Variants in MYLK4 observed in about 807,000 individuals in gnomAD.
The protein encoded by MYLK4 is caMLCK like.
In MYLK4, 46 loss-of-function variants were observed where a neutral mutation model predicts 48.1. The ratio of observed to expected loss-of-function variants is 0.96; its 90% CI spans 0.75 to 1.22. MYLK4 has a LOEUF of 1.22. Ranked by LOEUF, MYLK4 falls within the 50% of genes most tolerant of loss-of-function variation. MYLK4 has a pLI of 0.00. For missense variants in MYLK4, 451 were observed against 486.1 expected (o/e 0.93, Z 0.68); for synonymous variants, 170 against 180.8 (o/e 0.94, Z 0.48).
the MYLK4 span, chr6:2,766,155 C>T: frequency 2.3e-6 from 3 of 1,320,298 alleles, no homozygotes; most frequent in East Asian, 6.2e-5. Context: ...GACGGGGACG[C>T]GGACGCGGAC....
chr6:2,694,553 AGTCGTGG>A (rs1761971906), intron 2 of MYLK4, among the ~76,000 whole-genome samples: 3 of 4,732 alleles, frequency 6.3e-4, no homozygotes, highest in African/African-American at 2.3e-3. Flanking sequence ...TTGTGGTGGT[AGTCGTGG>A]TGGTAGTGGT....
chr6:2,673,862 G>A lies in MYLK4; in HGVS notation c.1119+1185C>T, dbSNP rs931739445. 2.0e-5 allele frequency among the ~76,000 whole-genome samples: 3 copies of A among 152,226 alleles called. No individual in the cohort carries two copies. The highest frequency in any genetic ancestry group is 2.9e-5 in the Non-Finnish European group (2 of 68,046). ...GGAGAGAAACAGACAGCTTCCAGAG[G>A]TAATTAGGGGATATCATGTACACAA... On this transcript the variant is annotated intron_variant, in intron 11 of 12. Coordinates refer to ENST00000274643, the MANE Select transcript of MYLK4 (RefSeq NM_001012418.5). The surrounding 1 kb of genome is among the most constrained non-coding windows in gnomAD (Gnocchi z 4.2).
chr6:2,737,611 C>T (rs572094400), intron 2 of MYLK4, among the ~76,000 whole-genome samples: 94 of 152,184 alleles, frequency 6.2e-4, no homozygotes, highest in African/African-American at 2.2e-3. Flanking sequence ...TGGTATCTGA[C>T]AGAATATGAC....
chr6:2,726,558 C>A (rs1274502272), intron 2 of MYLK4, among the ~76,000 whole-genome samples: 1 of 151,678 alleles, frequency 6.6e-6, no homozygotes, highest in East Asian at 1.9e-4. Flanking sequence ...CCAGGGAACT[C>A]CAAACTAAAG....
rs1223908185 is a variant in MYLK4 at position 2,680,278 on chromosome 6, A to G, written c.701T>C (p.Leu234Pro). 1 of 1,614,038 alleles carries G rather than the reference A, an allele frequency of 6.2e-7. No homozygotes were observed. The highest frequency in any genetic ancestry group is 8.5e-7 in the Non-Finnish European group (1 of 1,180,034). ...LHLDLKPENI[L>P]CVNRDAKQIK... Reference sequence around the variant, plus strand: ...TTGCTTAGCATCCCGATTCACACACAGGATATTCTCAGGCTGCCAGGAGAA... The same window carrying G: ...TTGCTTAGCATCCCGATTCACACACGGGATATTCTCAGGCTGCCAGGAGAA... Residue 234 changes from leucine to proline, a missense_variant, in exon 8 of 13, where the codon CTG (leucine) becomes CCG (proline). Coordinates refer to ENST00000274643, the MANE Select transcript of MYLK4 (RefSeq NM_001012418.5).
chr6:2,765,556 T>A, the MYLK4 span: 1 of 1,378,066 alleles, frequency 7.3e-7, no homozygotes, highest in Non-Finnish European at 9.3e-7. Flanking sequence ...GCGGAGGGCA[T>A]CGAAGGCCTC....
intron 3 of MYLK4, among the ~76,000 whole-genome samples, chr6:2,691,403 T>C (rs746947646): frequency 5.3e-5 from 8 of 152,252 alleles, no homozygotes; most frequent in Non-Finnish European, 1.2e-4. Context: ...TGGTTCCAAA[T>C]AGATACTGTG....
chr6:2,705,358 T>A (rs182826601), intron 2 of MYLK4, among the ~76,000 whole-genome samples: 1 of 152,302 alleles, frequency 6.6e-6, no homozygotes, highest in Non-Finnish European at 1.5e-5. Flanking sequence ...GGGAGTAGTC[T>A]CAAGGTTCTT....
intron 7 of MYLK4, chr6:2,680,629 G>T: frequency 2.2e-6 from 2 of 908,340 alleles, no homozygotes; most frequent in Non-Finnish European, 2.6e-6. Context: ...CCTGACATCT[G>T]CCCCTCTAAA....
chr6:2,754,482 T>C (rs933325271), upstream of MYLK4, among the ~76,000 whole-genome samples: 3 of 151,934 alleles, frequency 2.0e-5, no homozygotes, highest in African/African-American at 2.4e-5. Flanking sequence ...AAGACAAATC[T>C]ATAGACGTAG....
intron 2 of MYLK4, among the ~76,000 whole-genome samples, chr6:2,707,625 GT>G (rs1236544730): frequency 6.6e-6 from 1 of 152,136 alleles, no homozygotes; most frequent in East Asian, 1.9e-4. Flanking sequence ...TATAAAAAGT[GT>G]TAAGCACATT....
At chr6:2,765,338 C>G in the MYLK4 span, 2 of 267,268 alleles carry the variant, frequency 7.5e-6, no homozygotes, top group Non-Finnish European at 1.4e-5. Flanking sequence ...ACGGACTACA[C>G]TTACTTACAT....
At chr6:2,689,228 T>C (rs2113156032) in intron 3 of MYLK4, among the ~76,000 whole-genome samples, 1 of 152,314 alleles carries the variant, frequency 6.6e-6, no homozygotes, top group East Asian at 1.9e-4. Flanking sequence ...AATGTCAAAA[T>C]AGTTGAAAAT....
At chr6:2,748,975 AACACAATTGT>A (rs1764191055) in intron 2 of MYLK4, among the ~76,000 whole-genome samples, 151 bp downstream of exon 2, 2 of 152,230 alleles carry the variant, frequency 1.3e-5, no homozygotes, top group African/African-American at 4.8e-5. Context: ...TTATTTACCA[AACACAATTGT>A]ATAGTCGACA....
chr6:2,711,125 C>G (rs1481422042), intron 2 of MYLK4, among the ~76,000 whole-genome samples: 1 of 152,140 alleles, frequency 6.6e-6, no homozygotes, highest in Non-Finnish European at 1.5e-5. Flanking sequence ...GTGTGTGCCA[C>G]AACAGAAAAT....
intron 2 of MYLK4, among the ~76,000 whole-genome samples, chr6:2,719,630 C>T (rs1762996702): frequency 6.6e-6 from 1 of 152,042 alleles, no homozygotes; most frequent in Admixed American, 6.6e-5. Flanking sequence ...CACAGTTTGT[C>T]TTTCTGTTAT....
At position 2,666,944 on chromosome 6, in the gene MYLK4, T is replaced by C. The variant is rs1760679974; in HGVS notation, c.*981A>G. 1 of 152,248 alleles carries C rather than the reference T, an allele frequency of 6.6e-6. No individual in the cohort carries two copies. Among genetic ancestry groups the C allele is most frequent in the Admixed American group, 6.5e-5 (1 of 15,290 alleles). The allele number at this position is 152,248 out of a possible 1,614,324, so 9.4% of individuals were successfully genotyped here. ...ATGAGACAGCACAGGCGAGAGACTG[T>C]ACTTGGTCTTTGCCACTGTTTGTAT... On this transcript the variant is annotated 3_prime_UTR_variant, in exon 13 of 13. Transcript: ENST00000274643.
rs1398619525 is a variant in MYLK4, at chr6:2,685,267, G to A, written c.545+29C>T. On this transcript the variant is annotated intron_variant, in intron 6 of 12. Transcript: ENST00000274643. This position sits in a 1 kb window ranked among gnomAD's most constrained non-coding sequence, Gnocchi z 4.5. ...CACGGTCATGAGTGCCCTTGGGGAGGTCAGGGAGGGGGCGGAGGGGATACG... is the reference window on the plus strand; with the variant it reads ...CACGGTCATGAGTGCCCTTGGGGAGATCAGGGAGGGGGCGGAGGGGATACG... 6.5e-7 allele frequency: 1 copy of A among 1,544,288 alleles called. No individual in the cohort carries two copies. The highest frequency in any genetic ancestry group is 1.1e-5 in the South Asian group (1 of 89,590).
the MYLK4 span, among the ~76,000 whole-genome samples, chr6:2,764,828 C>G: frequency 6.6e-6 from 1 of 152,194 alleles, no homozygotes; most frequent in African/African-American, 2.4e-5. Context: ...GCGAGGGACG[C>G]TTTATTTTCA....
Sources: allele counts gnomAD v4.1 joint callset (sites outside exome capture counted in the v4.1 genomes callset), GRCh38; gene constraint gnomAD v4.1.1; non-coding constraint Gnocchi (gnomAD v3.1); transcripts MANE v1.5; gene names NCBI Gene and HGNC (gene_info 2026-07-23, HGNC 2026-07-21).